CTPS2: variants seen among roughly 807,000 people sequenced by gnomAD.
The protein encoded by CTPS2 is CTP synthase 2, also known as CTP synthase II.
In CTPS2, 19 loss-of-function variants were observed where a neutral mutation model predicts 46.8. The observed-to-expected ratio is 0.41, with a 90% CI of 0.28 to 0.60. CTPS2 has a LOEUF of 0.60. CTPS2 is among the 20% of genes least tolerant of loss of function. CTPS2 has a pLI of 0.35. For synonymous variants in CTPS2, 151 were observed against 165.2 expected (o/e 0.91, Z 0.66); for missense variants, 286 against 447.6 (o/e 0.64, Z 3.26).
intron 1 of CTPS2, among the ~76,000 whole-genome samples, chrX:16,704,578 A>T (rs755941966): frequency 6.3e-5 from 7 of 111,971 alleles, no homozygotes; most frequent in Non-Finnish European, 1.1e-4. Context: ...TACTGTAATG[A>T]TGGATACATG....
At position 16,667,699 on chromosome X, in the gene CTPS2, T is replaced by C; in HGVS notation, c.1215A>G (p.Ala405=). 8.3e-7 allele frequency: 1 copy of C among 1,210,843 alleles called. No individual in the cohort carries two copies. Among genetic ancestry groups the C allele is most frequent in the Non-Finnish European group, 1.1e-6 (1 of 894,929 alleles). The change falls in exon 12 of 19, where the codon GCA becomes GCG. Residue 405 remains alanine (A), a synonymous_variant. Transcript: ENST00000359276. ...GGCAGTTTCTTGCAAACTCTATCAC[T>C]GCTAGTTGCATCCCAAGACAAACTC... is the stretch of plus-strand genomic sequence containing the variant. The part of the protein sequence containing the change: ...FLGVCLGMQL[A]VIEFARNCLN...
At chrX:16,691,676 A>G in intron 6 of CTPS2, 56 bp from the exon 7 acceptor site, 1 of 1,002,093 alleles carries the variant, frequency 1.0e-6, no homozygotes, top group Non-Finnish European at 1.4e-6. Flanking sequence ...AGGATGCCAC[A>G]TTCATTTCTT....
intron 13 of CTPS2, among the ~76,000 whole-genome samples, chrX:16,656,888 G>T (rs1347629230): frequency 9.0e-6 from 1 of 110,507 alleles, no homozygotes; most frequent in Non-Finnish European, 1.9e-5. Context: ...TTTGTTTGTT[G>T]TTGTTTTGTT....
At chrX:16,619,004 C>T (rs976001379) in intron 15 of CTPS2, among the ~76,000 whole-genome samples, 12 of 112,118 alleles carry the variant, frequency 1.1e-4, no homozygotes, top group Non-Finnish European at 1.7e-4. Flanking sequence ...TACGCTATTG[C>T]GTACGTACCA....
intron 17 of CTPS2, among the ~76,000 whole-genome samples, chrX:16,602,328 CG>C (rs1403116604): frequency 9.2e-6 from 1 of 109,089 alleles, no homozygotes; most frequent in Non-Finnish European, 1.9e-5. Flanking sequence ...ATGCAGGGGA[CG>C]GGGGTAGCAT....
At chrX:16,701,372 C>T (rs1285983025) in intron 2 of CTPS2, among the ~76,000 whole-genome samples, 2 of 109,450 alleles carry the variant, frequency 1.8e-5, no homozygotes, top group Admixed American at 9.8e-5. Flanking sequence ...GCCTAAGTAA[C>T]ATGGCGAAAT....
chrX:16,620,085 C>G (rs1370067264), intron 15 of CTPS2, among the ~76,000 whole-genome samples, 192 bp downstream of exon 15: 1 of 110,339 alleles, frequency 9.1e-6, no homozygotes, highest in Non-Finnish European at 1.9e-5. Flanking sequence ...AGAGCCTCCG[C>G]CCCCCACTCC....
intron 13 of CTPS2, among the ~76,000 whole-genome samples, chrX:16,639,731 GAGAAAGAA>G (rs57226798): frequency 9.0e-5 from 6 of 66,732 alleles, no homozygotes; most frequent in East Asian, 8.6e-4. Context: ...TCCAAAAAAA[GAGAAAGAA>G]AGAAAGAAAG....
chrX:16,599,476 C>CTTTTTTTTTTTTTTT (rs56794396), intron 17 of CTPS2, among the ~76,000 whole-genome samples: 13 of 86,168 alleles, frequency 1.5e-4, no homozygotes, highest in South Asian at 4.9e-4. Flanking sequence ...TCTTTTTTTT[C>CTTTTTTTTTTTTTTT]TTTTTTTTTT....
At chrX:16,697,750 T>G (rs1289880886) in intron 4 of CTPS2, among the ~76,000 whole-genome samples, 1 of 111,595 alleles carries the variant, frequency 9.0e-6, no homozygotes, top group African/African-American at 3.3e-5. Flanking sequence ...GCCACTAGCT[T>G]CTTTCTTTAA....
At chrX:16,615,767 T>G (rs1369864566) in intron 16 of CTPS2, among the ~76,000 whole-genome samples, 1 of 111,958 alleles carries the variant, frequency 8.9e-6, no homozygotes, top group East Asian at 2.8e-4. Flanking sequence ...CCCCAAGTCT[T>G]TGGGTCTTCA....
intron 4 of CTPS2, among the ~76,000 whole-genome samples, chrX:16,693,892 C>T (rs1254950365): frequency 3.6e-5 from 4 of 112,004 alleles, no homozygotes; most frequent in African/African-American, 6.5e-5. Flanking sequence ...TAAGGCCAGG[C>T]GCAGTGGCTC....
At chrX:16,649,960 G>A (rs932832906) in intron 13 of CTPS2, among the ~76,000 whole-genome samples, 1 of 111,736 alleles carries the variant, frequency 8.9e-6, no homozygotes, top group Non-Finnish European at 1.9e-5. Flanking sequence ...CCAAGCTTAC[G>A]ACTCTGAACC....
At chrX:16,697,807 A>C (rs1300266106) in intron 4 of CTPS2, among the ~76,000 whole-genome samples, 1 of 111,349 alleles carries the variant, frequency 9.0e-6, no homozygotes, top group Non-Finnish European at 1.9e-5. Context: ...GACTTCCCTA[A>C]CCCAGTGTCT....
At chrX:16,684,797 A>G (rs765269281) in intron 8 of CTPS2, among the ~76,000 whole-genome samples, 1 of 111,958 alleles carries the variant, frequency 8.9e-6, no homozygotes, top group Non-Finnish European at 1.9e-5. Flanking sequence ...TCCATAAAGT[A>G]TGCAGGTAAC....
At chrX:16,691,068 G>A (rs1421388736) in intron 7 of CTPS2, among the ~76,000 whole-genome samples, 5 of 112,756 alleles carry the variant, frequency 4.4e-5, no homozygotes, top group Non-Finnish European at 9.4e-5. Context: ...TGTAATCCCA[G>A]CACTATGGGA....
At chrX:16,672,329 C>A (rs1252690919) in intron 10 of CTPS2, among the ~76,000 whole-genome samples, 3 of 111,607 alleles carry the variant, frequency 2.7e-5, no homozygotes, top group Non-Finnish European at 5.6e-5. Flanking sequence ...CAAGCGGCCA[C>A]CTGAACTTTT....
chrX:16,672,253 T>C (rs1294532120), intron 10 of CTPS2, among the ~76,000 whole-genome samples: 1 of 111,123 alleles, frequency 9.0e-6, no homozygotes, highest in Non-Finnish European at 1.9e-5. Flanking sequence ...TGGGGAGCTT[T>C]TTCCTCCTCA....
intron 16 of CTPS2, among the ~76,000 whole-genome samples, chrX:16,610,558 C>A (rs1435811168): frequency 8.9e-6 from 1 of 111,967 alleles, no homozygotes; most frequent in African/African-American, 3.2e-5. Context: ...CAGATGCTGG[C>A]AAGGCTGTGG....
Sources: gnomAD v4.1 joint callset for allele counts (sites outside exome capture counted in the v4.1 genomes callset) on GRCh38, gnomAD v4.1.1 for gene constraint, MANE v1.5 for transcripts, NCBI Gene and HGNC (gene_info 2026-07-23, HGNC 2026-07-21) for gene names.